Variants in MED13L observed in about 807,000 individuals in gnomAD.
MED13L encodes the protein mediator of RNA polymerase II transcription subunit 13-like.
In MED13L, 7 loss-of-function variants were observed where a neutral mutation model predicts 220.9. The ratio of observed to expected loss-of-function variants is 0.03; its 90% CI spans 0.02 to 0.06. The LOEUF is 0.06. Among genes scored for constraint, MED13L ranks in the 10% least tolerant of loss-of-function variants. The probability of loss-of-function intolerance (pLI) is 1.00; values close to 1 mark genes in which losing one functional copy is unlikely to be tolerated. For synonymous variants in MED13L, 1,011 were observed against 1,015.2 expected (o/e 1.00, Z 0.08); for missense variants, 1,965 against 2,760.5 (o/e 0.71, Z 6.46).
rs143177319 is a variant in MED13L at position 116,054,505 on chromosome 12, C to T, written c.480-31904G>A. ...TAGAACTCCAAGAGTACAACTTAAG[C>T]ATGTTAAGTACTTTTCTTTTGCACA... On this transcript the variant is annotated intron_variant, in intron 4 of 30. Coordinates refer to ENST00000281928, the MANE Select transcript of MED13L (RefSeq NM_015335.5). Among the ~76,000 whole-genome samples the T allele has an allele frequency of 1.8e-3, 270 of 152,300 alleles. 1 individual carries two copies. Among genetic ancestry groups the T allele is most frequent in the Middle Eastern group, 3.4e-3 (1 of 294 alleles).
At chr12:116,103,358 T>A (rs1013518175) in intron 3 of MED13L, among the ~76,000 whole-genome samples, 3 of 152,172 alleles carry the variant, frequency 2.0e-5, no homozygotes, top group South Asian at 4.1e-4. Context: ...GCTGAAGCCA[T>A]CCTCCTGCCT....
intron 4 of MED13L, among the ~76,000 whole-genome samples, chr12:116,064,149 A>T (rs1383420659): frequency 6.6e-6 from 1 of 152,042 alleles, no homozygotes; most frequent in Non-Finnish European, 1.5e-5. Context: ...CGAATGTGCC[A>T]CTGCACTTGG....
chr12:115,992,684 T>C lies in MED13L; in HGVS notation c.2997-727A>G, dbSNP rs559020022. Reference sequence around the variant, plus strand: ...TTAGGTGGTTGCACAGAAGTACACATACTGTATCAGAGTTTCCAGCTTCCA... The same window carrying C: ...TTAGGTGGTTGCACAGAAGTACACACACTGTATCAGAGTTTCCAGCTTCCA... On this transcript the variant is annotated intron_variant, in intron 16 of 30. Transcript: ENST00000281928. Among the ~76,000 whole-genome samples the C allele has an allele frequency of 2.5e-4, 38 of 152,338 alleles. 1 individual carries two copies. The highest frequency in any genetic ancestry group is 9.1e-4 in the African/African-American group (38 of 41,580).
rs148542478 is a variant in MED13L at position 116,007,317 on chromosome 12, T to G, written c.2238+94A>C. The G allele has an allele frequency of 1.9e-3, 2,159 of 1,162,142 alleles. 26 individuals are homozygous for G. The highest frequency in any genetic ancestry group is 8.2e-3 in the African/African-American group (541 of 66,334). 72.0% of individuals were successfully genotyped at this position (1,162,142 alleles called of 1,614,324 possible). On this transcript the variant is annotated intron_variant, in intron 11 of 30. Coordinates refer to ENST00000281928, the MANE Select transcript of MED13L (RefSeq NM_015335.5). ...GACAGAGCAATCAGGCAAGACTATC[T>G]CAAACGTTCTGCCTCCAAAGTCTTC...
chr12:116,271,996 G>T (rs911117634), intron 1 of MED13L, among the ~76,000 whole-genome samples: 3 of 151,922 alleles, frequency 2.0e-5, no homozygotes, highest in Non-Finnish European at 2.9e-5. Context: ...AAAATAAGTC[G>T]AATGTTTCAA....
chr12:115,966,067 T>C lies in MED13L; in HGVS notation c.6387+15A>G, dbSNP rs754070933. ...ACTCATTCCTTGCAAACTTCTAATA[T>C]GACACCAAACCAACCTTTAAGAAGA... On this transcript the variant is annotated intron_variant, in intron 29 of 30. Transcript: ENST00000281928. The C allele has an allele frequency of 5.6e-6, 9 of 1,613,888 alleles. No individual in the cohort carries two copies. Among genetic ancestry groups the C allele is most frequent in the Non-Finnish European group, 7.6e-6 (9 of 1,179,812 alleles).
chr12:116,137,581 G>GA (rs1025654464), intron 2 of MED13L, among the ~76,000 whole-genome samples: 1 of 151,950 alleles, frequency 6.6e-6, no homozygotes, highest in Non-Finnish European at 1.5e-5. Context: ...TCATAATTTT[G>GA]AAGTACTCAT....
intron 1 of MED13L, among the ~76,000 whole-genome samples, chr12:116,251,634 G>A (rs191473867): frequency 7.8e-4 from 118 of 151,160 alleles, no homozygotes; most frequent in African/African-American, 2.2e-3. Context: ...GGTGGCAGGC[G>A]CCCATAGTCC....
intron 2 of MED13L, among the ~76,000 whole-genome samples, chr12:116,138,040 G>C (rs1471392975): frequency 1.3e-5 from 2 of 151,904 alleles, no homozygotes; most frequent in Non-Finnish European, 1.5e-5. Flanking sequence ...ATTTTTAGTA[G>C]AGACAGGGTT....
intron 30 of MED13L, 44 bp from the exon 31 acceptor site, chr12:115,961,442 G>A (rs749306317): frequency 6.2e-7 from 1 of 1,611,016 alleles, no homozygotes; most frequent in Non-Finnish European, 8.5e-7. Flanking sequence ...GCCTCAAGAG[G>A]GAAGGCTGGT....
At chr12:116,022,762 C>T (rs1880136674) in intron 4 of MED13L, among the ~76,000 whole-genome samples, 161 bp from the exon 5 acceptor site, 1 of 152,182 alleles carries the variant, frequency 6.6e-6, no homozygotes, top group Admixed American at 6.5e-5. Flanking sequence ...TATTGACAAA[C>T]TAAGCCATCA....
intron 3 of MED13L, among the ~76,000 whole-genome samples, chr12:116,096,967 G>T (rs1210609689): frequency 6.6e-6 from 1 of 152,086 alleles, no homozygotes; most frequent in Non-Finnish European, 1.5e-5. Context: ...AAAAGAAAAT[G>T]TAAACAAAAG....
intron 4 of MED13L, among the ~76,000 whole-genome samples, chr12:116,042,854 T>C (rs1237279948): frequency 6.6e-6 from 1 of 152,158 alleles, no homozygotes; most frequent in Non-Finnish European, 1.5e-5. Context: ...GAAATAATTA[T>C]AAAAAGAAGG....
At chr12:115,974,695 T>C (rs958203655) in intron 25 of MED13L, among the ~76,000 whole-genome samples, 1 of 152,230 alleles carries the variant, frequency 6.6e-6, no homozygotes, top group African/African-American at 2.4e-5. Flanking sequence ...CTGCCTCTAC[T>C]GGCAACTACT....
At chr12:116,273,443 C>T (rs559999729) in intron 1 of MED13L, among the ~76,000 whole-genome samples, 3 of 151,856 alleles carry the variant, frequency 2.0e-5, no homozygotes, top group African/African-American at 7.2e-5. Context: ...GAAATCATTC[C>T]CTTTTCCTAA....
At chr12:116,235,905 AG>A (rs1269634935) in intron 2 of MED13L, among the ~76,000 whole-genome samples, 1 of 152,200 alleles carries the variant, frequency 6.6e-6, no homozygotes, top group East Asian at 1.9e-4. Flanking sequence ...CTAAAACGTA[AG>A]AGATTAATAC....
At chr12:115,978,085 A>G (rs1877068303) in intron 23 of MED13L, among the ~76,000 whole-genome samples, 1 of 152,108 alleles carries the variant, frequency 6.6e-6, no homozygotes, top group South Asian at 2.1e-4. Flanking sequence ...CCTGTCTAAA[A>G]AAGAAAAAAA....
At chr12:116,090,628 A>G (rs914978534) in intron 4 of MED13L, among the ~76,000 whole-genome samples, 1 of 152,248 alleles carries the variant, frequency 6.6e-6, no homozygotes, top group Non-Finnish European at 1.5e-5. Context: ...AAGACAACTT[A>G]GAAATAAATG....
intron 4 of MED13L, among the ~76,000 whole-genome samples, chr12:116,028,630 G>A (rs1015463226): frequency 7.9e-5 from 12 of 151,996 alleles, no homozygotes; most frequent in African/African-American, 2.4e-4. Context: ...AACTAGTCCC[G>A]GCATCAGTTC....
Sources: gnomAD v4.1 joint callset for allele counts (sites outside exome capture counted in the v4.1 genomes callset) on GRCh38, gnomAD v4.1.1 for gene constraint, MANE v1.5 for transcripts, NCBI Gene and HGNC (gene_info 2026-07-23, HGNC 2026-07-21) for gene names.